Variants in SLC30A8 observed in about 807,000 individuals in gnomAD.
The protein encoded by SLC30A8 is solute carrier family 30 member 8, also known as proton-coupled zinc antiporter SLC30A8.
SLC30A8 carries 27 observed loss-of-function variants against 36.9 expected under a neutral mutation model. The ratio of observed to expected loss-of-function variants is 0.73; its 90% confidence interval spans 0.54 to 1.01. The LOEUF (loss-of-function observed/expected upper bound fraction) is 1.01. SLC30A8 is among the 50% of genes least tolerant of loss of function. The pLI is 0.00. For synonymous variants in SLC30A8, 164 were observed against 172.4 expected, an observed-to-expected ratio of 0.95 and a Z score of 0.38; for missense variants, 439 against 452.0, an observed-to-expected ratio of 0.97 and a Z score of 0.26.
chr8:116,985,783 C>T (rs1162758821), intron 1 of SLC30A8, among the ~76,000 whole-genome samples: 1 of 152,144 alleles, frequency 6.6e-6, no homozygotes, highest in East Asian at 1.9e-4. Flanking sequence ...TTCTGCCTAT[C>T]TGAGAAGCAA....
At chr8:117,027,789 C>T (rs1299768315) in intron 1 of SLC30A8, among the ~76,000 whole-genome samples, 5 of 152,116 alleles carry the variant, frequency 3.3e-5, no homozygotes, top group Admixed American at 2.0e-4. Context: ...TCACCTGCCA[C>T]CCTGCTGTCA....
chr8:117,094,375 G>T (rs900468632), intron 2 of SLC30A8, among the ~76,000 whole-genome samples: 1 of 152,126 alleles, frequency 6.6e-6, no homozygotes, highest in Non-Finnish European at 1.5e-5. Context: ...GAGGAGACCC[G>T]CAGTGGGTAG....
In SLC30A8 at chr8:117,145,930, T is replaced by A. The variant is rs958195915; in HGVS notation, c.72-1024T>A. On this transcript the variant is annotated intron_variant, in intron 1 of 7. Transcript: ENST00000456015. Reference sequence around the variant, plus strand: ...GCTAAAAAAGTGGCTCTCGTGAAGATAAGAGAGTAGATTGGTGGTTACAAG... The same window carrying A: ...GCTAAAAAAGTGGCTCTCGTGAAGAAAAGAGAGTAGATTGGTGGTTACAAG... 5.3e-5 allele frequency among the ~76,000 whole-genome samples: 8 copies of A among 152,222 alleles called. No homozygotes were observed. In the South Asian group the frequency reaches 1.2e-3, roughly 24 times the overall value.
At chr8:117,080,221 G>C (rs1469450551) in intron 2 of SLC30A8, among the ~76,000 whole-genome samples, 1 of 152,080 alleles carries the variant, frequency 6.6e-6, no homozygotes, top group East Asian at 1.9e-4. Flanking sequence ...AGAAAAAGTA[G>C]AGCATACAGA....
chr8:117,040,288 A>T (rs907960637), intron 2 of SLC30A8, among the ~76,000 whole-genome samples: 4 of 152,270 alleles, frequency 2.6e-5, no homozygotes, highest in Non-Finnish European at 2.9e-5. Context: ...TGGAATTTCT[A>T]TATAATATTA....
At chr8:117,170,124 T>C (rs1823296055) in intron 6 of SLC30A8, among the ~76,000 whole-genome samples, 1 of 152,152 alleles carries the variant, frequency 6.6e-6, no homozygotes, top group Non-Finnish European at 1.5e-5. Context: ...TGTTGGGCCT[T>C]ATCCACAGAG....
intron 1 of SLC30A8, among the ~76,000 whole-genome samples, chr8:116,967,303 TA>T (rs939190069): frequency 2.6e-5 from 4 of 151,548 alleles, no homozygotes; most frequent in South Asian, 2.1e-4. Flanking sequence ...AATAAAAGAG[TA>T]AAAAAAAATT....
At chr8:116,982,064 A>G (rs1815286202) in intron 1 of SLC30A8, among the ~76,000 whole-genome samples, 1 of 152,148 alleles carries the variant, frequency 6.6e-6, no homozygotes, top group Non-Finnish European at 1.5e-5. Context: ...TTTCTCTGCA[A>G]CCTTGCCAGA....
At chr8:117,065,709 G>T (rs1457770259) in intron 2 of SLC30A8, among the ~76,000 whole-genome samples, 2 of 152,130 alleles carry the variant, frequency 1.3e-5, no homozygotes, top group Admixed American at 6.6e-5. Context: ...GACAAATGAT[G>T]CAAGCTGGGG....
chr8:117,003,273 C>T (rs571077356), intron 1 of SLC30A8, among the ~76,000 whole-genome samples: 1 of 152,116 alleles, frequency 6.6e-6, no homozygotes, highest in African/African-American at 2.4e-5. Context: ...GTATTGTCAA[C>T]ACGTATGTAA....
intron 1 of SLC30A8, among the ~76,000 whole-genome samples, chr8:116,997,113 C>G (rs1323705566): frequency 6.6e-6 from 1 of 151,890 alleles, no homozygotes; most frequent in African/African-American, 2.4e-5. Context: ...TTTCTAAAAA[C>G]CTGTTTGCAT....
intron 2 of SLC30A8, among the ~76,000 whole-genome samples, chr8:117,091,861 A>G (rs1314571816): frequency 2.0e-5 from 3 of 152,208 alleles, no homozygotes. Flanking sequence ...GGGCTGATCC[A>G]ATTGCTAATG....
intron 2 of SLC30A8, among the ~76,000 whole-genome samples, chr8:117,076,623 A>G (rs1818496651): frequency 6.6e-6 from 1 of 152,218 alleles, no homozygotes; most frequent in African/African-American, 2.4e-5. Context: ...CCTTTCTCCA[A>G]GACACACCTA....
chr8:117,092,059 C>T (rs1469138792), intron 2 of SLC30A8, among the ~76,000 whole-genome samples: 2 of 152,106 alleles, frequency 1.3e-5, no homozygotes, highest in Non-Finnish European at 2.9e-5. Flanking sequence ...ACAACGCATC[C>T]TTCTTTTTCT....
intron 1 of SLC30A8, among the ~76,000 whole-genome samples, chr8:116,976,828 T>TCTTTCTTTCTTTCTTTCTTTCTTTCTTTC (rs1563731085): frequency 1.4e-5 from 2 of 146,100 alleles, no homozygotes; most frequent in African/African-American, 5.5e-5. Flanking sequence ...CTTTCTTTTT[T>TCTTTCTTTCTTTCTTTCTTTCTTTCTTTC]TTTTTTTTTT....
intron 2 of SLC30A8, among the ~76,000 whole-genome samples, chr8:117,068,387 T>C (rs1818230493): frequency 6.6e-6 from 1 of 152,000 alleles, no homozygotes; most frequent in South Asian, 2.1e-4. Context: ...ATGGGGCAAA[T>C]TTTCTAAAAC....
chr8:117,018,770 G>C (rs747298258), intron 1 of SLC30A8, among the ~76,000 whole-genome samples: 1 of 150,030 alleles, frequency 6.7e-6, no homozygotes. Flanking sequence ...GGGTTCAAGC[G>C]ATTCTCCTGC....
At chr8:117,126,730 GAAAC>G (rs1820922366) in intron 2 of SLC30A8, among the ~76,000 whole-genome samples, 2 of 152,142 alleles carry the variant, frequency 1.3e-5, no homozygotes, top group South Asian at 2.1e-4. Flanking sequence ...GATGAGATGA[GAAAC>G]AAACAAAATT....
At chr8:117,127,387 A>G (rs913588179) in intron 2 of SLC30A8, among the ~76,000 whole-genome samples, 4 of 152,046 alleles carry the variant, frequency 2.6e-5, no homozygotes, top group African/African-American at 7.2e-5. Context: ...CTGAAGAGCA[A>G]TAACTAAAAC....
Sources: gnomAD v4.1 joint callset for allele counts (sites outside exome capture counted in the v4.1 genomes callset) on GRCh38, gnomAD v4.1.1 for gene constraint, MANE v1.5 for transcripts, NCBI Gene and HGNC (gene_info 2026-07-23, HGNC 2026-07-21) for gene names.